KIF21B: variants seen among roughly 807,000 people sequenced by gnomAD.
The protein encoded by KIF21B is kinesin-like protein KIF21B.
A neutral mutation model predicts 192.9 loss-of-function variants in KIF21B; 85 were observed. The observed-to-expected ratio is 0.44, with a 90% confidence interval of 0.37 to 0.53. KIF21B has a LOEUF of 0.53. KIF21B is among the 20% of genes least tolerant of loss of function. KIF21B has a pLI of 0.00. For missense variants in KIF21B, 1,716 were observed against 2,194.8 expected (o/e 0.78, Z 4.36); for synonymous variants, 832 against 884.6 (o/e 0.94, Z 1.05).
chr1:201,009,465 T>C lies in KIF21B; in HGVS notation c.65A>G (p.Glu22Gly). ...AVRIRPQLSK[E>G]KIEGCHICTS... ...ACAGATGTGACAGCCCTCAATCTTCTCCTTCGACAGCTGGGGCCGGATCCT... is the reference window on the plus strand; with the variant it reads ...ACAGATGTGACAGCCCTCAATCTTCCCCTTCGACAGCTGGGGCCGGATCCT... The change falls in exon 2 of 35, where the codon GAG becomes GGG. Residue 22 changes from glutamate to glycine, a missense_variant. Coordinates refer to ENST00000461742, the MANE Select transcript of KIF21B (RefSeq NM_001252102.2). 1 of 1,614,138 alleles carries C rather than the reference T, an allele frequency of 6.2e-7. No individual in the cohort carries two copies. The highest frequency in any genetic ancestry group is 8.5e-7 in the Non-Finnish European group (1 of 1,180,016).
Position 200,990,962 on chromosome 1 carries a change from A to C in KIF21B, c.2642T>G (p.Leu881Trp). The change falls in exon 18 of 35, where the codon TTG becomes TGG. Residue 881 changes from leucine to tryptophan, a missense_variant. Physicochemically the swap from Leu to Trp is moderately conservative, Grantham distance 61 (BLOSUM62 -2). This residue lies in a region of KIF21B where 1,087 missense variants were observed against 1,316.6 expected (regional missense o/e 0.83). Coordinates refer to ENST00000461742, the MANE Select transcript of KIF21B (RefSeq NM_001252102.2). The surrounding 1 kb of genome is among the most constrained non-coding windows in gnomAD (Gnocchi z 5.4). ...RQWNRKINHF[L>W]GDHPAPTVNG... ...GACAGTGGGCGCAGGATGGTCCCCCAAGAAGTGGTTGATTTTGCGGTTCCA... is the reference window on the plus strand; with the variant it reads ...GACAGTGGGCGCAGGATGGTCCCCCCAGAAGTGGTTGATTTTGCGGTTCCA... 6.2e-7 allele frequency: 1 copy of C among 1,614,136 alleles called. No homozygotes were observed. Among genetic ancestry groups the C allele is most frequent in the South Asian group, 1.1e-5 (1 of 91,084 alleles).
chr1:201,012,595 C>G (rs955861561), intron 1 of KIF21B, among the ~76,000 whole-genome samples: 1 of 152,056 alleles, frequency 6.6e-6, no homozygotes, highest in Non-Finnish European at 1.5e-5. Flanking sequence ...GACTGAATGC[C>G]CTTCCATTCC....
At chr1:200,994,287 G>A (rs1306751082) in intron 15 of KIF21B, among the ~76,000 whole-genome samples, 5 of 152,222 alleles carry the variant, frequency 3.3e-5, no homozygotes, top group South Asian at 2.1e-4. Flanking sequence ...GGGAGACCCC[G>A]TGGCTGCAGG....
Position 200,975,551 on chromosome 1 carries a change from G to T in KIF21B, c.4562C>A (p.Ser1521Tyr). Reference sequence around the variant, plus strand: ...CCACTTCTTGATGCCGTTATCTCGGGAGCCACTGAACAGGATGTCTCCCTG... The same window carrying T: ...CCACTTCTTGATGCCGTTATCTCGGTAGCCACTGAACAGGATGTCTCCCTG... ...AIQGDILFSGSRDNGIKKWDL... is the reference protein window; with the variant it reads ...AIQGDILFSGYRDNGIKKWDL... The change falls in exon 33 of 35, where the codon TCC becomes TAC. Residue 1521 changes from serine (S) to tyrosine (Y), a missense_variant. Physicochemically the swap from Ser to Tyr is moderately radical, Grantham distance 144 (BLOSUM62 -2). Transcript: ENST00000461742. The surrounding 1 kb of genome is among the most constrained non-coding windows in gnomAD (Gnocchi z 4.3). 4 of 1,613,898 alleles carry T rather than the reference G, an allele frequency of 2.5e-6. No individual in the cohort carries two copies. Among genetic ancestry groups the T allele is most frequent in the Non-Finnish European group, 3.4e-6 (4 of 1,179,808 alleles).
rs1655325406 is a variant in KIF21B at position 200,973,386 on chromosome 1, G to C, written c.*135C>G. The C allele has an allele frequency of 1.8e-6, 2 of 1,124,990 alleles. No homozygotes were observed. The highest frequency in any genetic ancestry group is 3.2e-5 in the East Asian group (1 of 31,408). The allele number at this position is 1,124,990 out of a possible 1,614,324, so 69.7% of individuals were successfully genotyped here. On this transcript the variant is annotated 3_prime_UTR_variant, in exon 35 of 35. Transcript: ENST00000461742. ...TGTCCTGTGGGAAGGCCAAGGGAGA[G>C]GGAGGAGGGCAGGAGAGGGGGCCAC...
At position 201,002,403 on chromosome 1, in the gene KIF21B, G is replaced by C. The variant is rs537746325; in HGVS notation, c.1213-53C>G. 2.0e-4 allele frequency: 309 copies of C among 1,545,144 alleles called. 2 individuals carry two copies. The highest frequency in any genetic ancestry group is 1.4e-3 in the Middle Eastern group (8 of 5,906). On this transcript the variant is annotated intron_variant, in intron 8 of 34. Coordinates refer to ENST00000461742, the MANE Select transcript of KIF21B (RefSeq NM_001252102.2). ...CAGGCAGCAGAGCTCGCGGTTGGGG[G>C]GGTAAGGGGCTGATGATGCCCCTCC...
At chr1:201,009,545 G>T in intron 1 of KIF21B, 57 bp from the exon 2 acceptor site, 1 of 1,493,584 alleles carries the variant, frequency 6.7e-7, no homozygotes, top group East Asian at 2.3e-5. Flanking sequence ...GCTGCCACAG[G>T]CCCCTCCCTC....
chr1:200,977,097 G>GA, intron 31 of KIF21B, 115 bp downstream of exon 31: 1 of 1,235,752 alleles, frequency 8.1e-7, no homozygotes, highest in Non-Finnish European at 1.1e-6. Context: ...AGCATGGGGG[G>GA]AATAAAGGTG....
In KIF21B at chr1:200,999,592, C is replaced by G. The variant is rs1256614695; in HGVS notation, c.1768-126G>C. 5 of 1,489,186 alleles carry G rather than the reference C, an allele frequency of 3.4e-6. No homozygotes were observed. Among genetic ancestry groups the G allele is most frequent in the Non-Finnish European group, 4.5e-6 (5 of 1,109,870 alleles). The allele number at this position is 1,489,186 out of a possible 1,614,324, so 92.2% of individuals were successfully genotyped here. A position where few individuals can be genotyped will look rare whatever the true frequency, so the allele number is the denominator to read the frequency against. Reference sequence around the variant, plus strand: ...GGGATTGGGGCAGGCCACAGCTGAGCCCCCCTGCCCACCCCCTACTCCTGG... The same window carrying G: ...GGGATTGGGGCAGGCCACAGCTGAGGCCCCCTGCCCACCCCCTACTCCTGG... On this transcript the variant is annotated intron_variant, in intron 12 of 34. Coordinates refer to ENST00000461742, the MANE Select transcript of KIF21B (RefSeq NM_001252102.2). This position sits in a 1 kb window ranked among gnomAD's most constrained non-coding sequence, Gnocchi z 4.7.
At position 201,002,201 on chromosome 1, in the gene KIF21B, C is replaced by G. The variant is rs149557382; in HGVS notation, c.1362G>C (p.Gln454His). 1.5e-5 allele frequency: 24 copies of G among 1,614,180 alleles called. No homozygotes were observed. In the African/African-American group the frequency reaches 3.1e-4, roughly 21 times the overall value. Residue 454 changes from glutamine (Q) to histidine (H), a missense_variant, in exon 9 of 35, where the codon CAG (glutamine) becomes CAC (histidine). Coordinates refer to ENST00000461742, the MANE Select transcript of KIF21B (RefSeq NM_001252102.2). ...GCAGGTTGGCCTCCTGGCTCATGAG[C>G]TGGGTGACGCGGTTGTTGATGGCAT... is the stretch of plus-strand genomic sequence containing the variant. ...AIDAINNRVT[Q>H]LMSQEANLLL...
At chr1:201,022,243 C>G (rs1015675897) in intron 1 of KIF21B, among the ~76,000 whole-genome samples, 5 of 152,206 alleles carry the variant, frequency 3.3e-5, no homozygotes, top group Admixed American at 2.6e-4. Context: ...CCTCCTAGGA[C>G]CCCTGGAATC....
intron 27 of KIF21B, 74 bp from the exon 28 acceptor site, chr1:200,983,168 A>G (rs1656057229): frequency 5.3e-6 from 7 of 1,325,516 alleles, no homozygotes; most frequent in Non-Finnish European, 6.3e-6. Context: ...AGGCGGCAGC[A>G]GTGTGTGGGG....
Position 201,000,639 on chromosome 1 carries a change from A to C in KIF21B, c.1467-31T>G. Reference sequence around the variant, plus strand: ...CAGGAAGAACGAGTGGACGGGGCCGAGTGAGCTGCCACAGCCCTTGGCGTC... The same window carrying C: ...CAGGAAGAACGAGTGGACGGGGCCGCGTGAGCTGCCACAGCCCTTGGCGTC... On this transcript the variant is annotated intron_variant, in intron 10 of 34. Transcript: ENST00000461742. The surrounding 1 kb of genome is among the most constrained non-coding windows in gnomAD (Gnocchi z 6.0). 6.2e-7 allele frequency: 1 copy of C among 1,613,224 alleles called. No homozygotes were observed. Among genetic ancestry groups the C allele is most frequent in the African/African-American group, 1.3e-5 (1 of 75,020 alleles).
At chr1:200,989,868 G>A (rs1361283707) in intron 21 of KIF21B, 74 bp downstream of exon 21, 7 of 1,229,334 alleles carry the variant, frequency 5.7e-6, no homozygotes, top group Non-Finnish European at 2.4e-6. Flanking sequence ...CAGGCCCCTG[G>A]GCTTCACACT....
intron 15 of KIF21B, among the ~76,000 whole-genome samples, chr1:200,994,002 C>G (rs1656887950): frequency 6.6e-6 from 1 of 152,102 alleles, no homozygotes; most frequent in African/African-American, 2.4e-5. Context: ...CCTGAAAACT[C>G]CAGCATCCCA....
chr1:200,990,412 C>G lies in KIF21B; in HGVS notation c.2836-80G>C, dbSNP rs1370065545. On this transcript the variant is annotated intron_variant, in intron 19 of 34. Coordinates refer to ENST00000461742, the MANE Select transcript of KIF21B (RefSeq NM_001252102.2). The surrounding 1 kb of genome is among the most constrained non-coding windows in gnomAD (Gnocchi z 5.4). ...GCCAAGCCCTGCCCATAGCTTCCAC[C>G]ACAGGCTGGCCTGTGAGGTCCCCCC... 2.7e-6 allele frequency: 4 copies of G among 1,494,968 alleles called. No homozygotes were observed. The highest frequency in any genetic ancestry group is 3.6e-6 in the Non-Finnish European group (4 of 1,105,626). The allele number at this position is 1,494,968 out of a possible 1,614,324, so 92.6% of individuals were successfully genotyped here.
chr1:201,019,734 C>A (rs763338977), intron 1 of KIF21B, among the ~76,000 whole-genome samples: 4 of 152,132 alleles, frequency 2.6e-5, no homozygotes, highest in Admixed American at 2.6e-4. Context: ...TCCACACAGC[C>A]CACATGAGGC....
At position 200,971,217 on chromosome 1, in the gene KIF21B, C is replaced by CATGG. The variant is rs1430610491; in HGVS notation, c.*2300_*2303dup. 6.5e-6 allele frequency: 1 copy of CATGG among 152,748 alleles called. No homozygotes were observed. Among genetic ancestry groups the CATGG allele is most frequent in the Non-Finnish European group, 1.5e-5 (1 of 68,046 alleles). 9.5% of individuals were successfully genotyped at this position (152,748 alleles called of 1,614,324 possible). A position where few individuals can be genotyped will look rare whatever the true frequency, so the allele number is the denominator to read the frequency against. ...TCATGAAGCACAACTCGGGGTGTCT[C>CATGG]ATGGATGTTGGGCTCAGGGCTCCTG... On this transcript the variant is annotated 3_prime_UTR_variant, in exon 35 of 35. Transcript: ENST00000461742.
intron 2 of KIF21B, 47 bp from the exon 3 acceptor site, chr1:201,008,998 C>T (rs753530292): frequency 5.1e-6 from 8 of 1,555,562 alleles, no homozygotes; most frequent in Admixed American, 1.8e-5. Context: ...CCTTTGGGGG[C>T]ACCAGCAAGC....
Sources: gnomAD v4.1 joint callset for allele counts (sites outside exome capture counted in the v4.1 genomes callset) on GRCh38, gnomAD v4.1.1 for gene constraint, gnomAD v4.1.1 regional missense constraint, Gnocchi (gnomAD v3.1) non-coding constraint, MANE v1.5 for transcripts, NCBI Gene and HGNC (gene_info 2026-07-23, HGNC 2026-07-21) for gene names.